The following ROBO2 variants were observed in gnomAD, a reference collection of about 807,000 sequenced individuals.
ROBO2 encodes roundabout homolog 2.
In ROBO2, 53 loss-of-function variants were observed where a neutral mutation model predicts 160.8. The ratio of observed to expected loss-of-function variants is 0.33; its 90% CI spans 0.26 to 0.41. ROBO2 has a LOEUF of 0.41. Ranked by LOEUF, ROBO2 falls within the 10% of genes least tolerant of loss-of-function variation. The pLI is 1.00. For missense variants in ROBO2, 1,577 were observed against 1,722.4 expected, an observed-to-expected ratio of 0.92 and a Z score of 1.49; for synonymous variants, 664 against 611.7, an observed-to-expected ratio of 1.09 and a Z score of -1.26.
chr3:77,588,928 A>T (rs768946155), exon 17 of ROBO2: 1 of 1,613,184 alleles, frequency 6.2e-7, no homozygotes, highest in African/African-American at 1.3e-5. Flanking sequence ...CTCAGTAATT[A>T]TGCTGGTAAG....
At chr3:77,617,869 C>A in intron 22 of ROBO2, 96 bp downstream of exon 23, 1 of 1,313,372 alleles carries the variant, frequency 7.6e-7, no homozygotes, top group Non-Finnish European at 1.1e-6. Context: ...AACTACACAG[C>A]TAGGGTTAAA....
intron 2 of ROBO2, among the ~76,000 whole-genome samples, chr3:77,229,359 A>T (rs1171851505): frequency 1.3e-5 from 2 of 152,152 alleles, no homozygotes; most frequent in Non-Finnish European, 2.9e-5. Flanking sequence ...GAACAGATAA[A>T]TCAGTGGAGG....
intron 2 of ROBO2, among the ~76,000 whole-genome samples, chr3:76,804,952 A>G (rs971217210): frequency 4.6e-5 from 7 of 152,148 alleles, no homozygotes; most frequent in African/African-American, 1.2e-4. Context: ...CTAAGACTAG[A>G]TTTATTTCCA....
At position 77,177,675 on chromosome 3, in the gene ROBO2, A is replaced by G. The variant is rs371022320; in HGVS notation, c.388+79335A>G. Among the ~76,000 whole-genome samples the G allele has an allele frequency of 2.6e-5, 4 of 151,920 alleles. No individual in the cohort carries two copies. In the East Asian group the frequency reaches 7.7e-4, roughly 29 times the overall value. Reference sequence around the variant, plus strand: ...CAGATGGGGGCCATTGGATATGGAGAGCCAACTGTGGTTTACAGTCTAGTT... The same window carrying G: ...CAGATGGGGGCCATTGGATATGGAGGGCCAACTGTGGTTTACAGTCTAGTT... On this transcript the variant is annotated intron_variant, in intron 2 of 25. Transcript: ENST00000461745.
intron 2 of ROBO2, among the ~76,000 whole-genome samples, chr3:77,369,165 G>T (rs559359214): frequency 6.6e-6 from 1 of 152,146 alleles, no homozygotes; most frequent in Admixed American, 6.6e-5. Flanking sequence ...AGTGAAGCAG[G>T]TGAAGTGCCC....
At chr3:76,959,161 C>T (rs1047006482) in intron 2 of ROBO2, among the ~76,000 whole-genome samples, 1 of 152,162 alleles carries the variant, frequency 6.6e-6, no homozygotes, top group African/African-American at 2.4e-5. Flanking sequence ...TATTAGAATT[C>T]ATTTACAAAC....
At chr3:76,836,075 T>C (rs1284013664) in intron 2 of ROBO2, among the ~76,000 whole-genome samples, 1 of 152,060 alleles carries the variant, frequency 6.6e-6, no homozygotes, top group African/African-American at 2.4e-5. Context: ...AAATTATGAC[T>C]TCTATTTGAT....
intron 2 of ROBO2, among the ~76,000 whole-genome samples, chr3:76,858,149 T>C (rs2070341653): frequency 6.6e-6 from 1 of 151,888 alleles, no homozygotes; most frequent in South Asian, 2.1e-4. Context: ...ACTCCCAGCA[T>C]AGCACTCACT....
At chr3:76,961,247 G>GAAAAAAAAAA (rs371889909) in intron 2 of ROBO2, among the ~76,000 whole-genome samples, 2 of 54,442 alleles carry the variant, frequency 3.7e-5, no homozygotes, top group Non-Finnish European at 8.5e-5. Flanking sequence ...GTGCCACAGA[G>GAAAAAAAAAA]AAAAAAAAAA....
At chr3:76,861,477 C>T (rs747236574) in intron 2 of ROBO2, among the ~76,000 whole-genome samples, 7 of 152,188 alleles carry the variant, frequency 4.6e-5, no homozygotes, top group Non-Finnish European at 8.8e-5. Context: ...TCTCACTCCT[C>T]CTCCCTTCTT....
At chr3:77,484,297 G>A (rs960959182) in intron 4 of ROBO2, among the ~76,000 whole-genome samples, 2 of 151,976 alleles carry the variant, frequency 1.3e-5, no homozygotes, top group African/African-American at 4.8e-5. Context: ...AAGTAGAGTT[G>A]AAGTAAATAA....
At chr3:77,453,507 A>T (rs1282943013) in intron 2 of ROBO2, among the ~76,000 whole-genome samples, 1 of 152,092 alleles carries the variant, frequency 6.6e-6, no homozygotes, top group African/African-American at 2.4e-5. Context: ...GGTTAAAAGG[A>T]ATTGTAGATA....
chr3:77,373,655 G>A (rs897482013), intron 2 of ROBO2, among the ~76,000 whole-genome samples: 2 of 151,986 alleles, frequency 1.3e-5, no homozygotes, highest in African/African-American at 2.4e-5. Flanking sequence ...GTGAAAAGGG[G>A]AACTGAGCAA....
intron 5 of ROBO2, 124 bp from the exon 6 acceptor site, chr3:77,522,649 ATT>A (rs1443795871): frequency 3.2e-5 from 29 of 917,376 alleles, no homozygotes; most frequent in Non-Finnish European, 4.6e-5. Context: ...TTTGTGGCTG[ATT>A]TGTGTGTGTG....
chr3:76,216,178 A>G (rs1265074171), intron 2 of ROBO2, among the ~76,000 whole-genome samples: 1 of 152,052 alleles, frequency 6.6e-6, no homozygotes. Context: ...CATGGAAAGG[A>G]ACAACTGGTA....
chr3:76,633,305 G>T (rs1296603465), intron 2 of ROBO2, among the ~76,000 whole-genome samples: 1 of 152,074 alleles, frequency 6.6e-6, no homozygotes, highest in East Asian at 1.9e-4. Flanking sequence ...ATGAAATCAG[G>T]CAAGCAAGTA....
intron 2 of ROBO2, among the ~76,000 whole-genome samples, chr3:76,474,717 A>G (rs896732373): frequency 1.3e-5 from 2 of 152,054 alleles, no homozygotes; most frequent in African/African-American, 4.8e-5. Context: ...ATAAACCTCT[A>G]TTTCACTCGA....
At chr3:76,723,982 G>C (rs1348156234) in intron 2 of ROBO2, among the ~76,000 whole-genome samples, 1 of 152,110 alleles carries the variant, frequency 6.6e-6, no homozygotes, top group African/African-American at 2.4e-5. Context: ...TGGCCGTCTA[G>C]ATTCTCTTGC....
chr3:76,493,099 T>A (rs1367705165), intron 2 of ROBO2, among the ~76,000 whole-genome samples: 1 of 151,946 alleles, frequency 6.6e-6, no homozygotes, highest in Admixed American at 6.6e-5. Flanking sequence ...TTTTTGCACA[T>A]ATGCATAGCG....
Sources: gnomAD v4.1 joint callset for allele counts (sites outside exome capture counted in the v4.1 genomes callset) on GRCh38, gnomAD v4.1.1 for gene constraint, MANE v1.5 for transcripts, NCBI Gene and HGNC (gene_info 2026-07-23, HGNC 2026-07-21) for gene names.